The following TEK variants were observed in gnomAD, a reference collection of about 807,000 sequenced individuals.
TEK encodes angiopoietin-1 receptor.
A neutral mutation model predicts 131.8 loss-of-function variants in TEK; 43 were observed. The ratio of observed to expected loss-of-function variants is 0.33; its 90% CI spans 0.26 to 0.42. The LOEUF (loss-of-function observed/expected upper bound fraction) is 0.42. Ranked by LOEUF, TEK falls within the 10% of genes least tolerant of loss-of-function variation. The pLI is 1.00. For missense variants in TEK, 1,162 were observed against 1,384.4 expected, an observed-to-expected ratio of 0.84 and a Z score of 2.55; for synonymous variants, 580 against 491.6, an observed-to-expected ratio of 1.18 and a Z score of -2.38.
chr9:27,175,249 GTCC>G (rs1248267463), intron 6 of TEK, among the ~76,000 whole-genome samples: 40 of 148,698 alleles, frequency 2.7e-4, no homozygotes, highest in African/African-American at 9.7e-4. Context: ...TTGGTTTTTT[GTCC>G]TTGTGATAGT....
intron 1 of TEK, among the ~76,000 whole-genome samples, chr9:27,115,105 A>T (rs577284666): frequency 2.2e-4 from 34 of 152,340 alleles, no homozygotes; most frequent in African/African-American, 7.2e-4. Flanking sequence ...TTTAATAGAG[A>T]TATTACAGCA....
intron 1 of TEK, among the ~76,000 whole-genome samples, chr9:27,126,971 A>C (rs756593779): frequency 9.2e-5 from 14 of 152,200 alleles, no homozygotes; most frequent in Admixed American, 3.3e-4. Context: ...AGCTAGTAAC[A>C]CAACTTTTTT....
intron 11 of TEK, among the ~76,000 whole-genome samples, chr9:27,193,385 A>G (rs1824892738): frequency 6.6e-6 from 1 of 152,138 alleles, no homozygotes; most frequent in Admixed American, 6.6e-5. Flanking sequence ...CATTTCTAGT[A>G]GGTTCCCAAG....
chr9:27,228,306 G>T lies in TEK; in HGVS notation c.3300+1G>T, dbSNP rs765567786. The stretch of plus-strand genomic sequence containing the variant: ...AAACAGAATGTTAGAGGAGCGAAAG[G>T]TAAGTATTAAAGTCAGGCAGGAGAT... On this transcript the variant is annotated splice_donor_variant, in intron 22 of 22. Transcript: ENST00000380036. LOFTEE classifies it high-confidence loss of function. 1 of 1,610,748 alleles carries T rather than the reference G, an allele frequency of 6.2e-7. No homozygotes were observed. Among genetic ancestry groups the T allele is most frequent in the Non-Finnish European group, 8.5e-7 (1 of 1,177,360 alleles).
intron 16 of TEK, among the ~76,000 whole-genome samples, chr9:27,210,073 T>G (rs147408341): frequency 3.0e-4 from 45 of 152,348 alleles, no homozygotes; most frequent in Middle Eastern, 6.8e-3. Flanking sequence ...CTACTTCCAT[T>G]TCCTCAATTT....
chr9:27,118,621 T>G (rs1821662456), intron 1 of TEK, among the ~76,000 whole-genome samples: 1 of 152,150 alleles, frequency 6.6e-6, no homozygotes. Context: ...AGTGACATAG[T>G]GAGACCTCAT....
intron 6 of TEK, among the ~76,000 whole-genome samples, chr9:27,174,870 T>A (rs1824103116): frequency 6.6e-6 from 1 of 152,098 alleles, no homozygotes; most frequent in African/African-American, 2.4e-5. Context: ...ATGAACACTT[T>A]GCTAGGACCC....
At chr9:27,224,581 A>C (rs1020534721) in intron 21 of TEK, among the ~76,000 whole-genome samples, 3 of 152,236 alleles carry the variant, frequency 2.0e-5, no homozygotes, top group African/African-American at 4.8e-5. Flanking sequence ...CACGCTCAGT[A>C]AACTAGGTAT....
At position 27,183,481 on chromosome 9, in the gene TEK, G is replaced by C. The variant is rs745799653; in HGVS notation, c.1053G>C (p.Lys351Asn). ...EREGIQRMTP[K>N]IVDLPDHIEV... ...CAGGCATACAGAGGATGACCCCAAA[G>C]ATAGTGGATTTGCCAGATCATATAG... The change falls in exon 8 of 23, where the codon AAG becomes AAC. Residue 351 changes from lysine (K) to asparagine (N), a missense_variant. Transcript: ENST00000380036. The C allele has an allele frequency of 1.9e-6, 3 of 1,613,878 alleles. No individual in the cohort carries two copies. In the South Asian group the frequency reaches 3.3e-5, roughly 18 times the overall value.
At chr9:27,142,510 T>A (rs1822763888) in intron 1 of TEK, among the ~76,000 whole-genome samples, 1 of 152,226 alleles carries the variant, frequency 6.6e-6, no homozygotes, top group African/African-American at 2.4e-5. Context: ...AGGCCATAAT[T>A]TCTGGGCTAA....
chr9:27,117,727 G>A (rs963710619), intron 1 of TEK, among the ~76,000 whole-genome samples: 6 of 152,218 alleles, frequency 3.9e-5, no homozygotes, highest in African/African-American at 9.6e-5. Context: ...CCAGTCAGGC[G>A]TGGGGTTTGA....
chr9:27,220,450 TGGGGA>T (rs1826016477), intron 21 of TEK, among the ~76,000 whole-genome samples: 1 of 150,286 alleles, frequency 6.7e-6, no homozygotes, highest in African/African-American at 2.5e-5. Flanking sequence ...ACACTATCCT[TGGGGA>T]TAAAGATTTC....
At chr9:27,144,341 G>A (rs183872670) in intron 1 of TEK, among the ~76,000 whole-genome samples, 81 of 152,292 alleles carry the variant, frequency 5.3e-4, no homozygotes, top group African/African-American at 1.9e-3. Context: ...TGCTATGGAT[G>A]ATTCATAAAG....
intron 1 of TEK, among the ~76,000 whole-genome samples, chr9:27,130,632 T>TC (rs1822174566): frequency 6.7e-6 from 1 of 149,396 alleles, no homozygotes; most frequent in Admixed American, 6.6e-5. Context: ...AGTACTTTTT[T>TC]TTTTTTTTTT....
Position 27,169,538 on chromosome 9 carries a change from T to C in TEK, c.537T>C (p.Pro179=). 1 of 1,614,184 alleles carries C rather than the reference T, an allele frequency of 6.2e-7. No homozygotes were observed. The highest frequency in any genetic ancestry group is 8.5e-7 in the Non-Finnish European group (1 of 1,180,006). The change falls in exon 4 of 23, where the codon CCT becomes CCC. Residue 179 remains proline (P), a synonymous_variant. Coordinates refer to ENST00000380036, the MANE Select transcript of TEK (RefSeq NM_000459.5). ...CTGATATTCTAGAAGTACACCTGCC[T>C]CATGCTCAGCCCCAGGATGCTGGAG... is the stretch of plus-strand genomic sequence containing the variant. ...EVPDILEVHL[P]HAQPQDAGVY...
intron 21 of TEK, among the ~76,000 whole-genome samples, chr9:27,221,541 C>G (rs1826081357): frequency 6.6e-6 from 1 of 152,196 alleles, no homozygotes; most frequent in African/African-American, 2.4e-5. Flanking sequence ...TGGCTGGCAT[C>G]TGGCAGGTGC....
intron 1 of TEK, among the ~76,000 whole-genome samples, chr9:27,145,322 G>T (rs1418562429): frequency 1.3e-5 from 2 of 152,166 alleles, no homozygotes; most frequent in African/African-American, 4.8e-5. Flanking sequence ...CTCTTGATCG[G>T]CCTGTTTCCT....
intron 1 of TEK, 43 bp downstream of exon 1, chr9:27,109,685 A>G: frequency 6.2e-7 from 1 of 1,603,654 alleles, no homozygotes; most frequent in East Asian, 2.2e-5. Context: ...ATTTTAAAAA[A>G]CAGAGTTAGT....
At position 27,192,538 on chromosome 9, in the gene TEK, T is replaced by C. The variant is rs762550384; in HGVS notation, c.1539T>C (p.Tyr513=). ...ACTATTTGGAACCTCGGACAGAATA[T>C]GAACTCTGTGTGCAACTGGTCCGTC... is the stretch of plus-strand genomic sequence containing the variant. ...TLNYLEPRTE[Y]ELCVQLVRRG... Residue 513 remains tyrosine, a synonymous_variant, in exon 11 of 23, where the codon TAT becomes TAC. Coordinates refer to ENST00000380036, the MANE Select transcript of TEK (RefSeq NM_000459.5). 3.1e-6 allele frequency: 5 copies of C among 1,613,966 alleles called. No individual in the cohort carries two copies. The highest frequency in any genetic ancestry group is 2.7e-5 in the African/African-American group (2 of 75,036).
Sources: gnomAD v4.1 joint callset for allele counts (sites outside exome capture counted in the v4.1 genomes callset) on GRCh38, gnomAD v4.1.1 for gene constraint, MANE v1.5 for transcripts, NCBI Gene and HGNC (gene_info 2026-07-23, HGNC 2026-07-21) for gene names.